MGLL: variants seen among roughly 807,000 people sequenced by gnomAD.
MGLL encodes the protein monoglyceride lipase.
MGLL carries 7 observed loss-of-function variants against 29.1 expected under a neutral mutation model. The ratio of observed to expected loss-of-function variants is 0.24; its 90% CI spans 0.14 to 0.45. MGLL has a LOEUF of 0.45. MGLL is among the 20% of genes least tolerant of loss of function. The probability of loss-of-function intolerance (pLI) is 0.99; values close to 1 mark genes in which losing one functional copy is unlikely to be tolerated. For missense variants in MGLL, 356 were observed against 413.6 expected (o/e 0.86, Z 1.21); for synonymous variants, 148 against 168.3 (o/e 0.88, Z 0.93).
At chr3:127,779,544 C>T (rs2077089011) in intron 3 of MGLL, among the ~76,000 whole-genome samples, 1 of 151,566 alleles carries the variant, frequency 6.6e-6, no homozygotes, top group South Asian at 2.1e-4. Context: ...GGCTGTAATG[C>T]AGCGGCGCAG....
chr3:127,807,749 T>C (rs1453611081), intron 2 of MGLL, among the ~76,000 whole-genome samples: 1 of 94,526 alleles, frequency 1.1e-5, no homozygotes, highest in Non-Finnish European at 2.1e-5. Flanking sequence ...CTGTGAAAAG[T>C]CTTTTTTTTT....
intron 6 of MGLL, among the ~76,000 whole-genome samples, chr3:127,706,766 C>G (rs755194893): frequency 2.6e-5 from 4 of 152,024 alleles, no homozygotes; most frequent in Non-Finnish European, 5.9e-5. Flanking sequence ...CTAGCCAAAC[C>G]GAGTTTGCTG....
At position 127,774,533 on chromosome 3, in the gene MGLL, T is replaced by G. The variant is rs188609661; in HGVS notation, c.262+7256A>C. ...TTCACCTGAATGCTCTTTCTCCATATTTCCCTGTTCAATTTCATCTCCTTG... is the reference window on the plus strand; with the variant it reads ...TTCACCTGAATGCTCTTTCTCCATAGTTCCCTGTTCAATTTCATCTCCTTG... On this transcript the variant is annotated intron_variant, in intron 3 of 7. Coordinates refer to ENST00000265052, the MANE Select transcript of MGLL (RefSeq NM_007283.7). 1.2e-3 allele frequency among the ~76,000 whole-genome samples: 187 copies of G among 152,370 alleles called. 1 individual carries two copies. The highest frequency in any genetic ancestry group is 8.2e-4 in the Non-Finnish European group (56 of 68,034).
At chr3:127,700,822 G>A (rs542060956) in intron 6 of MGLL, among the ~76,000 whole-genome samples, 1 of 152,194 alleles carries the variant, frequency 6.6e-6, no homozygotes, top group Non-Finnish European at 1.5e-5. Context: ...TGCACACGTG[G>A]AAAGCCCCGA....
intron 3 of MGLL, among the ~76,000 whole-genome samples, chr3:127,760,438 C>T (rs1020333669): frequency 6.6e-6 from 1 of 152,244 alleles, no homozygotes; most frequent in Non-Finnish European, 1.5e-5. Context: ...GTGAAAGGAC[C>T]TTGTTCTCCC....
intron 5 of MGLL, among the ~76,000 whole-genome samples, chr3:127,720,309 T>C (rs2075893492): frequency 6.6e-6 from 1 of 152,140 alleles, no homozygotes; most frequent in Admixed American, 6.5e-5. Context: ...GGGGTTGGGA[T>C]TCTCCACCCT....
At chr3:127,759,323 C>T (rs2076720866) in intron 3 of MGLL, among the ~76,000 whole-genome samples, 1 of 152,206 alleles carries the variant, frequency 6.6e-6, no homozygotes, top group Admixed American at 6.5e-5. Context: ...CTCAACCCTT[C>T]TCTCTGCTAT....
At chr3:127,748,128 C>T (rs2076483180) in intron 3 of MGLL, among the ~76,000 whole-genome samples, 1 of 152,182 alleles carries the variant, frequency 6.6e-6, no homozygotes, top group South Asian at 2.1e-4. Context: ...TATAAAACAA[C>T]TTGCAACGCC....
chr3:127,724,680 C>T (rs2075997978), intron 3 of MGLL, among the ~76,000 whole-genome samples: 1 of 152,188 alleles, frequency 6.6e-6, no homozygotes, highest in Non-Finnish European at 1.5e-5. Context: ...GCCGCTGCTC[C>T]TCCACACTCT....
At chr3:127,746,665 A>G (rs891872651) in intron 3 of MGLL, among the ~76,000 whole-genome samples, 1 of 150,340 alleles carries the variant, frequency 6.7e-6, no homozygotes, top group African/African-American at 2.5e-5. Flanking sequence ...TTCACATTCC[A>G]CTCTTCCGTC....
At chr3:127,763,199 G>A (rs1576563760) in intron 3 of MGLL, among the ~76,000 whole-genome samples, 1 of 145,844 alleles carries the variant, frequency 6.9e-6, no homozygotes, top group Non-Finnish European at 1.5e-5. Context: ...CGGTGAGTGT[G>A]CAGGCTGCCC....
chr3:127,792,985 C>T (rs1018326558), intron 2 of MGLL, among the ~76,000 whole-genome samples: 28 of 152,176 alleles, frequency 1.8e-4, no homozygotes, highest in African/African-American at 2.4e-5. Context: ...GGTTCCAATC[C>T]CACCCAGGGG....
At chr3:127,724,464 C>T (rs373098758) in intron 3 of MGLL, among the ~76,000 whole-genome samples, 7 of 152,266 alleles carry the variant, frequency 4.6e-5, no homozygotes, top group African/African-American at 2.4e-5. Context: ...ATTTGTCTGT[C>T]GAGGGACATT....
At chr3:127,822,755 C>T (rs2107767886), upstream of MGLL, 1 of 196,276 alleles carries the variant, frequency 5.1e-6, no homozygotes, top group East Asian at 1.6e-4. Flanking sequence ...TCCGACAGCA[C>T]AGGACACGTA....
intron 2 of MGLL, among the ~76,000 whole-genome samples, chr3:127,789,595 G>A (rs2107720335): frequency 6.6e-6 from 1 of 152,182 alleles, no homozygotes; most frequent in Non-Finnish European, 1.5e-5. Flanking sequence ...CTACTTGGAA[G>A]GCTGAGGTGG....
intron 3 of MGLL, among the ~76,000 whole-genome samples, chr3:127,773,680 G>A (rs547457785): frequency 1.1e-4 from 17 of 152,300 alleles, no homozygotes; most frequent in South Asian, 2.1e-4. Flanking sequence ...AGACATGCAC[G>A]AGGCCTTGAG....
At chr3:127,715,678 G>C (rs1255489141) in intron 5 of MGLL, 2 of 456,574 alleles carry the variant, frequency 4.4e-6, no homozygotes, top group Admixed American at 2.3e-5. Context: ...GTTGAGCAGG[G>C]GCCATTGAGG....
At chr3:127,806,864 T>G (rs922284931) in intron 2 of MGLL, among the ~76,000 whole-genome samples, 1 of 152,180 alleles carries the variant, frequency 6.6e-6, no homozygotes, top group Non-Finnish European at 1.5e-5. Context: ...CCATCTCTAC[T>G]AAAAATACAA....
At chr3:127,821,021 T>C (rs547772628) in intron 2 of MGLL, among the ~76,000 whole-genome samples, 1 of 152,346 alleles carries the variant, frequency 6.6e-6, no homozygotes, top group Non-Finnish European at 1.5e-5. Context: ...GGAAATGTTC[T>C]TGTCACCAGG....
Sources: allele counts gnomAD v4.1 joint callset (sites outside exome capture counted in the v4.1 genomes callset), GRCh38; gene constraint gnomAD v4.1.1; transcripts MANE v1.5; gene names NCBI Gene and HGNC (gene_info 2026-07-23, HGNC 2026-07-21).